CAB39L: variants seen among roughly 807,000 people sequenced by gnomAD.
CAB39L encodes calcium-binding protein 39-like.
A neutral mutation model predicts 39.1 loss-of-function variants in CAB39L; 23 were observed. The ratio of observed to expected loss-of-function variants is 0.59; its 90% CI spans 0.42 to 0.83. CAB39L has a LOEUF of 0.83. Among genes scored for constraint, CAB39L ranks in the 40% least tolerant of loss-of-function variants. The probability of loss-of-function intolerance (pLI) is 0.00; values close to 1 mark genes in which losing one functional copy is unlikely to be tolerated. For synonymous variants in CAB39L, 126 were observed against 137.2 expected (o/e 0.92, Z 0.57); for missense variants, 366 against 391.9 (o/e 0.93, Z 0.56).
intron 1 of CAB39L, among the ~76,000 whole-genome samples, chr13:49,440,784 T>C (rs1957503386): frequency 6.7e-6 from 1 of 149,770 alleles, no homozygotes; most frequent in Non-Finnish European, 1.5e-5. Flanking sequence ...CAGGACTGCA[T>C]TCTTGATTTG....
At chr13:49,339,643 A>G in intron 9 of CAB39L, 34 bp downstream of exon 9, 2 of 1,531,332 alleles carry the variant, frequency 1.3e-6, no homozygotes, top group Non-Finnish European at 1.7e-6. Context: ...ATATAAACTT[A>G]CGGGGACACT....
intron 5 of CAB39L, among the ~76,000 whole-genome samples, chr13:49,376,225 C>T (rs150334717): frequency 2.6e-4 from 40 of 152,292 alleles, no homozygotes; most frequent in African/African-American, 5.3e-4. Flanking sequence ...CTACCTGATA[C>T]GAACAAAATT....
At chr13:49,323,642 G>A (rs11838927) in intron 10 of CAB39L, among the ~76,000 whole-genome samples, 93,198 of 152,108 alleles carry the variant, frequency 0.61, 29,836 homozygotes, top group South Asian at 0.78. Context: ...GAATATGCCA[G>A]GAAGGAAGGA....
At chr13:49,376,748 G>A (rs1340282051) in intron 5 of CAB39L, among the ~76,000 whole-genome samples, 5 of 152,222 alleles carry the variant, frequency 3.3e-5, no homozygotes, top group South Asian at 2.1e-4. Flanking sequence ...TCTATTAACC[G>A]TTATCTTTGC....
Position 49,364,212 on chromosome 13 carries a change from T to G in CAB39L, c.277-4380A>C, listed in dbSNP as rs76735085. ...AGCTAAAGTGAGAGACACATCCCAA[T>G]ACAACAATAGCAGATCTTAGACCTG... On this transcript the variant is annotated intron_variant, in intron 5 of 10. Transcript: ENST00000409308. 3.3e-3 allele frequency among the ~76,000 whole-genome samples: 505 copies of G among 152,274 alleles called. 6 individuals carry two copies. In the East Asian group the frequency reaches 0.04, roughly 12 times the overall value.
At chr13:49,371,320 T>C (rs1278851230) in intron 5 of CAB39L, among the ~76,000 whole-genome samples, 1 of 152,060 alleles carries the variant, frequency 6.6e-6, no homozygotes, top group Non-Finnish European at 1.5e-5. Context: ...CCCAAGTAGC[T>C]AGGATTACAG....
intron 3 of CAB39L, among the ~76,000 whole-genome samples, chr13:49,385,732 AG>A (rs1344078679): frequency 6.6e-6 from 1 of 152,224 alleles, no homozygotes; most frequent in African/African-American, 2.4e-5. Context: ...AAAGTGAGAC[AG>A]GGGAACGGCC....
chr13:49,405,503 G>A (rs922873151), intron 3 of CAB39L, among the ~76,000 whole-genome samples: 1 of 151,768 alleles, frequency 6.6e-6, no homozygotes, highest in South Asian at 2.1e-4. Flanking sequence ...GGCCAGGCAC[G>A]GTAGCTCACA....
chr13:49,329,913 T>C (rs1250117516), intron 10 of CAB39L, among the ~76,000 whole-genome samples: 1 of 152,160 alleles, frequency 6.6e-6, no homozygotes. Flanking sequence ...TTTCTCACTG[T>C]CTATACTCCC....
At chr13:49,391,735 T>A (rs558433068) in intron 3 of CAB39L, among the ~76,000 whole-genome samples, 1 of 152,106 alleles carries the variant, frequency 6.6e-6, no homozygotes, top group South Asian at 2.1e-4. Context: ...ATAATGGAAG[T>A]AGGATGCAAC....
intron 2 of CAB39L, among the ~76,000 whole-genome samples, chr13:49,433,870 C>T (rs1957366420): frequency 6.6e-6 from 1 of 152,186 alleles, no homozygotes; most frequent in Non-Finnish European, 1.5e-5. Flanking sequence ...TAGAAGAGCA[C>T]TGAAGGGTCA....
intron 7 of CAB39L, 71 bp downstream of exon 7, chr13:49,350,673 A>T: frequency 8.4e-7 from 1 of 1,189,720 alleles, no homozygotes; most frequent in Non-Finnish European, 1.1e-6. Context: ...CTTGCTTTTT[A>T]AAATTAAATT....
At chr13:49,418,517 G>A (rs1957120597) in intron 3 of CAB39L, among the ~76,000 whole-genome samples, 1 of 152,176 alleles carries the variant, frequency 6.6e-6, no homozygotes. Flanking sequence ...TTCAATGGGT[G>A]TTCTAGAATT....
chr13:49,334,697 T>G (rs897323190), intron 9 of CAB39L, among the ~76,000 whole-genome samples: 1 of 152,192 alleles, frequency 6.6e-6, no homozygotes, highest in South Asian at 2.1e-4. Flanking sequence ...ATGGGTATTG[T>G]TGGGGAAATA....
intron 7 of CAB39L, among the ~76,000 whole-genome samples, chr13:49,345,302 A>T (rs1955116050): frequency 6.6e-6 from 1 of 152,224 alleles, no homozygotes; most frequent in African/African-American, 2.4e-5. Context: ...TTAATTTTTT[A>T]AAAAGTAAAA....
chr13:49,414,549 A>G (rs935495890), intron 3 of CAB39L, among the ~76,000 whole-genome samples: 3 of 152,238 alleles, frequency 2.0e-5, no homozygotes, highest in Non-Finnish European at 4.4e-5. Flanking sequence ...AGAATATTAT[A>G]GACATATAAA....
intron 5 of CAB39L, among the ~76,000 whole-genome samples, chr13:49,373,358 A>C (rs1208062437): frequency 6.6e-6 from 1 of 152,194 alleles, no homozygotes; most frequent in Non-Finnish European, 1.5e-5. Context: ...GTATCTTCTA[A>C]ACAAAAATTC....
At chr13:49,372,063 C>T (rs1194649388) in intron 5 of CAB39L, among the ~76,000 whole-genome samples, 1 of 152,158 alleles carries the variant, frequency 6.6e-6, no homozygotes, top group Non-Finnish European at 1.5e-5. Flanking sequence ...TCAGACCTTA[C>T]AGGCAATACA....
chr13:49,376,356 C>T (rs1314682929), intron 5 of CAB39L, among the ~76,000 whole-genome samples: 1 of 152,168 alleles, frequency 6.6e-6, no homozygotes, highest in Non-Finnish European at 1.5e-5. Context: ...CTGAGTTACA[C>T]AATAGATAAT....
Sources: allele counts gnomAD v4.1 joint callset (sites outside exome capture counted in the v4.1 genomes callset), GRCh38; gene constraint gnomAD v4.1.1; transcripts MANE v1.5; gene names NCBI Gene and HGNC (gene_info 2026-07-23, HGNC 2026-07-21).